Variants in IMMP2L observed in about 807,000 individuals in gnomAD.
IMMP2L encodes the protein inner mitochondrial membrane peptidase subunit 2.
IMMP2L carries 18 observed loss-of-function variants against 19.3 expected under a neutral mutation model. The observed-to-expected ratio is 0.93, with a 90% CI of 0.64 to 1.38. IMMP2L has a LOEUF of 1.38. Among genes scored for constraint, IMMP2L ranks in the 40% most tolerant of loss-of-function variants. The probability of loss-of-function intolerance (pLI) is 0.00; values close to 1 mark genes in which losing one functional copy is unlikely to be tolerated. For missense variants in IMMP2L, 233 were observed against 218.2 expected, an observed-to-expected ratio of 1.07 and a Z score of -0.43; for synonymous variants, 76 against 73.0, an observed-to-expected ratio of 1.04 and a Z score of -0.21.
At chr7:111,392,334 T>C (rs1832440122) in intron 3 of IMMP2L, among the ~76,000 whole-genome samples, 1 of 152,198 alleles carries the variant, frequency 6.6e-6, no homozygotes, top group Non-Finnish European at 1.5e-5. Context: ...AAGAATTTCC[T>C]GCCCAGGGCC....
intron 3 of IMMP2L, among the ~76,000 whole-genome samples, chr7:110,982,877 T>G (rs1292173720): frequency 6.6e-6 from 1 of 152,130 alleles, no homozygotes; most frequent in Non-Finnish European, 1.5e-5. Context: ...TCTTCTCATC[T>G]AATTTTGAAA....
intron 3 of IMMP2L, among the ~76,000 whole-genome samples, chr7:111,423,388 T>G (rs1259862686): frequency 6.6e-6 from 1 of 151,876 alleles, no homozygotes; most frequent in East Asian, 1.9e-4. Context: ...TGCCTCAATT[T>G]CAGAGCCTGT....
chr7:111,387,094 G>A (rs1344518241), intron 3 of IMMP2L, among the ~76,000 whole-genome samples: 10 of 152,094 alleles, frequency 6.6e-5, no homozygotes, highest in Admixed American at 6.6e-4. Context: ...ACTATTATTT[G>A]TATTTCTTGT....
intron 3 of IMMP2L, among the ~76,000 whole-genome samples, chr7:111,402,168 TAA>T (rs1833484614): frequency 7.6e-6 from 1 of 131,248 alleles, no homozygotes; most frequent in Non-Finnish European, 1.6e-5. Context: ...ATAATAATAA[TAA>T]TATTAAGTTA....
chr7:111,340,932 G>A (rs1457986753), intron 3 of IMMP2L, among the ~76,000 whole-genome samples: 1 of 152,036 alleles, frequency 6.6e-6, no homozygotes, highest in Non-Finnish European at 1.5e-5. Flanking sequence ...AAGGTCACAT[G>A]AGGGAGGAAA....
At position 111,334,803 on chromosome 7, in the gene IMMP2L, A is replaced by C. The variant is rs552012925; in HGVS notation, c.239+152435T>G. ...AGACTACTAAAATTATTGTTTTTTA[A>C]ACCTTCACTTGTATTTCTTCCATTT... is the stretch of plus-strand genomic sequence containing the variant. On this transcript the variant is annotated intron_variant, in intron 3 of 5. Coordinates refer to ENST00000405709, the MANE Select transcript of IMMP2L (RefSeq NM_032549.4). Among the ~76,000 whole-genome samples, 4 of 152,208 alleles carry C rather than the reference A, an allele frequency of 2.6e-5. No homozygotes were observed. In the East Asian group the frequency reaches 7.7e-4, roughly 29 times the overall value.
chr7:111,392,963 G>C (rs964612371), intron 3 of IMMP2L: 5 of 401,882 alleles, frequency 1.2e-5, no homozygotes, highest in Non-Finnish European at 2.4e-5. Context: ...AAAAGTCTCA[G>C]AACCCAAGCA....
chr7:111,445,118 C>T (rs1838187077), intron 3 of IMMP2L, among the ~76,000 whole-genome samples: 1 of 151,914 alleles, frequency 6.6e-6, no homozygotes, highest in African/African-American at 2.4e-5. Flanking sequence ...GAGAAAGTGC[C>T]TCTCAAGTAT....
intron 3 of IMMP2L, among the ~76,000 whole-genome samples, chr7:111,132,188 A>T (rs2071502382): frequency 6.6e-6 from 1 of 152,018 alleles, no homozygotes; most frequent in Admixed American, 6.6e-5. Context: ...ACCTATGCAT[A>T]TTCTTATAAA....
At chr7:111,378,357 C>CA (rs2131189160) in intron 3 of IMMP2L, among the ~76,000 whole-genome samples, 1 of 152,034 alleles carries the variant, frequency 6.6e-6, no homozygotes, top group Non-Finnish European at 1.5e-5. Context: ...AGTTAGTCAA[C>CA]ATTTTATAAT....
intron 3 of IMMP2L, among the ~76,000 whole-genome samples, chr7:111,390,113 G>A (rs182231753): frequency 6.6e-6 from 1 of 152,198 alleles, no homozygotes; most frequent in Admixed American, 6.5e-5. Flanking sequence ...CCCATATATG[G>A]GCAGTGCAGT....
chr7:110,703,299 TATC>T (rs1794411735), intron 5 of IMMP2L, among the ~76,000 whole-genome samples: 1 of 152,214 alleles, frequency 6.6e-6, no homozygotes, highest in South Asian at 2.1e-4. Context: ...AACAACATAT[TATC>T]CTTTTTTTTA....
intron 5 of IMMP2L, among the ~76,000 whole-genome samples, chr7:110,716,579 A>C (rs1208925992): frequency 1.3e-5 from 2 of 152,202 alleles, no homozygotes; most frequent in African/African-American, 4.8e-5. Context: ...GCAGGATATG[A>C]AATTCTTGTT....
chr7:110,998,445 T>C (rs1384839631), intron 3 of IMMP2L, among the ~76,000 whole-genome samples: 1 of 152,174 alleles, frequency 6.6e-6, no homozygotes, highest in African/African-American at 2.4e-5. Flanking sequence ...AGGCAGATGA[T>C]TCTCTTGCTA....
chr7:110,684,802 A>T (rs573211519), intron 5 of IMMP2L, among the ~76,000 whole-genome samples: 1 of 152,130 alleles, frequency 6.6e-6, no homozygotes, highest in South Asian at 2.1e-4. Flanking sequence ...TTTCCCTACC[A>T]AAGTGGAATG....
At chr7:111,085,992 G>A (rs214895) in intron 3 of IMMP2L, among the ~76,000 whole-genome samples, 1,973 of 152,096 alleles carry the variant, frequency 0.013, 34 homozygotes, top group African/African-American at 0.045. Context: ...AGGAGGGGGA[G>A]GATCAGAAAA....
intron 3 of IMMP2L, among the ~76,000 whole-genome samples, chr7:111,084,981 T>C (rs1796191254): frequency 6.6e-6 from 1 of 152,174 alleles, no homozygotes; most frequent in Admixed American, 6.5e-5. Flanking sequence ...CTAGATATTG[T>C]TTCACATCGC....
intron 3 of IMMP2L, among the ~76,000 whole-genome samples, chr7:111,357,421 A>G (rs1828827318): frequency 6.6e-6 from 1 of 152,140 alleles, no homozygotes; most frequent in Non-Finnish European, 1.5e-5. Context: ...CTATCCTCAA[A>G]TGACCATGAA....
At chr7:111,423,697 G>C (rs948854586) in intron 3 of IMMP2L, among the ~76,000 whole-genome samples, 1 of 151,596 alleles carries the variant, frequency 6.6e-6, no homozygotes, top group Non-Finnish European at 1.5e-5. Context: ...ATGCCCACAA[G>C]AGAAAGCAGG....
Sources: allele counts gnomAD v4.1 joint callset (sites outside exome capture counted in the v4.1 genomes callset), GRCh38; gene constraint gnomAD v4.1.1; transcripts MANE v1.5; gene names NCBI Gene and HGNC (gene_info 2026-07-23, HGNC 2026-07-21).